The following R3HDM2 variants were observed in gnomAD, a reference collection of about 807,000 sequenced individuals.
The protein encoded by R3HDM2 is R3H domain containing 2, also known as R3H domain-containing protein 2.
A neutral mutation model predicts 124.5 loss-of-function variants in R3HDM2; 38 were observed. That is an observed-to-expected ratio of 0.31 (90% CI 0.24 to 0.40). The LOEUF is 0.40. R3HDM2 is among the 10% of genes least tolerant of loss of function. The pLI, the probability that R3HDM2 is intolerant of heterozygous loss-of-function variation, is 1.00. For synonymous variants in R3HDM2, 391 were observed against 448.0 expected, an observed-to-expected ratio of 0.87 and a Z score of 1.61; for missense variants, 869 against 1,236.9, an observed-to-expected ratio of 0.70 and a Z score of 4.46.
intron 2 of R3HDM2, 75 bp downstream of exon 2, chr12:57,395,674 T>C: frequency 1.7e-6 from 1 of 576,200 alleles, no homozygotes. Context: ...TGTGTGAGGA[T>C]TAAATGAGAA....
At chr12:57,365,890 T>A (rs1262454660) in intron 2 of R3HDM2, among the ~76,000 whole-genome samples, 4 of 150,354 alleles carry the variant, frequency 2.7e-5, no homozygotes, top group African/African-American at 9.8e-5. Context: ...GAGTGGAGAC[T>A]GCAACACTGC....
At chr12:57,403,085 G>A (rs1017441755) in intron 1 of R3HDM2, among the ~76,000 whole-genome samples, 13 of 152,174 alleles carry the variant, frequency 8.5e-5, no homozygotes, top group African/African-American at 3.1e-4. Context: ...GCCAGGCACG[G>A]TGGCTCATAC....
rs999185410 is a variant in R3HDM2, at chr12:57,305,728, G to C, written c.166-2511C>G. 1.0e-5 allele frequency: 4 copies of C among 398,376 alleles called. No homozygotes were observed. The East Asian group carries it at 1.4e-4, about 14-fold the overall frequency. The allele number at this position is 398,376 out of a possible 1,614,324, so 24.7% of individuals were successfully genotyped here. A position where few individuals can be genotyped will look rare whatever the true frequency, so the allele number is the denominator to read the frequency against. On this transcript the variant is annotated intron_variant, in intron 3 of 23. Coordinates refer to ENST00000402412, the MANE Select transcript of R3HDM2 (RefSeq NM_001394031.1). ...TTAAGTGTACTAGAGAGGTACTCATGGAGTGCTACAGGAGCACACAGCAGA... is the reference window on the plus strand; with the variant it reads ...TTAAGTGTACTAGAGAGGTACTCATCGAGTGCTACAGGAGCACACAGCAGA...
chr12:57,276,208 T>TAAAAAAAAAA (rs1263227424), intron 14 of R3HDM2, among the ~76,000 whole-genome samples: 1 of 105,354 alleles, frequency 9.5e-6, no homozygotes, highest in East Asian at 2.6e-4. Context: ...AGACTCCATC[T>TAAAAAAAAAA]AAAAAAAAAA....
chr12:57,413,484 C>G (rs934593098), intron 1 of R3HDM2, among the ~76,000 whole-genome samples: 30 of 151,092 alleles, frequency 2.0e-4, no homozygotes, highest in African/African-American at 7.0e-4. Flanking sequence ...GCCTGTAATC[C>G]CAGCACTTTG....
intron 2 of R3HDM2, among the ~76,000 whole-genome samples, chr12:57,346,453 C>T (rs1351698104): frequency 5.3e-5 from 8 of 151,574 alleles, no homozygotes; most frequent in East Asian, 1.9e-4. Context: ...AGTGAAACTC[C>T]ATCTCAAAAA....
chr12:57,329,231 C>T (rs180853254), intron 2 of R3HDM2, among the ~76,000 whole-genome samples: 3 of 152,162 alleles, frequency 2.0e-5, no homozygotes, highest in South Asian at 2.1e-4. Flanking sequence ...AGGAGAAAGA[C>T]GAGCGTCATT....
chr12:57,313,563 C>CA (rs11306097), intron 2 of R3HDM2, among the ~76,000 whole-genome samples: 2 of 142,762 alleles, frequency 1.4e-5, no homozygotes, highest in East Asian at 2.0e-4. Flanking sequence ...GACCTTGTCT[C>CA]AAAAAAAAAA....
chr12:57,360,006 A>AATAAATAAATATATATATATATATATAT (rs1403496780), intron 2 of R3HDM2, among the ~76,000 whole-genome samples: 1 of 117,682 alleles, frequency 8.5e-6, no homozygotes, highest in African/African-American at 3.0e-5. Context: ...TAAATAAATA[A>AATAAATAAATATATATATATATATATAT]ATATATATAT....
intron 19 of R3HDM2, among the ~76,000 whole-genome samples, chr12:57,264,544 C>T (rs1411202334): frequency 2.0e-5 from 3 of 151,704 alleles, no homozygotes; most frequent in African/African-American, 7.3e-5. Context: ...TGCACTCCAT[C>T]CTGGGTGACA....
At chr12:57,367,014 T>C (rs1465102223) in intron 2 of R3HDM2, among the ~76,000 whole-genome samples, 3 of 152,130 alleles carry the variant, frequency 2.0e-5, no homozygotes, top group East Asian at 1.9e-4. Context: ...CTTAGTGACT[T>C]AGAAATAGTT....
At chr12:57,412,442 G>A (rs1295094573) in intron 1 of R3HDM2, among the ~76,000 whole-genome samples, 1 of 152,124 alleles carries the variant, frequency 6.6e-6, no homozygotes, top group Non-Finnish European at 1.5e-5. Flanking sequence ...TACTTGGGAG[G>A]CTGAGGTGGG....
At chr12:57,311,350 T>C (rs572486279) in intron 2 of R3HDM2, among the ~76,000 whole-genome samples, 6 of 151,652 alleles carry the variant, frequency 4.0e-5, no homozygotes, top group Admixed American at 3.3e-4. Flanking sequence ...CTCAGCCTCC[T>C]GAGTAGCTGG....
chr12:57,254,855 T>C lies in R3HDM2; in HGVS notation c.2891A>G (p.Asn964Ser). Residue 964 changes from asparagine to serine, a missense_variant, in exon 24 of 24, where the codon AAC (asparagine) becomes AGC (serine). Around this residue, in one of 2 missense-constraint regions of R3HDM2, gnomAD observed 602 missense variants for 789.2 expected, o/e 0.76. Transcript: ENST00000402412. ...LAAQNASLRL[N>S]NSVSRFKLRM... Reference sequence around the variant, plus strand: ...AAGTTTGAAGCGACTCACGGAGTTGTTGAGACGAAGGGAGGCATTTTGGGC... The same window carrying C: ...AAGTTTGAAGCGACTCACGGAGTTGCTGAGACGAAGGGAGGCATTTTGGGC... 1 of 1,613,718 alleles carries C rather than the reference T, an allele frequency of 6.2e-7. No individual in the cohort carries two copies. Among genetic ancestry groups the C allele is most frequent in the Non-Finnish European group, 8.5e-7 (1 of 1,179,686 alleles).
intron 2 of R3HDM2, among the ~76,000 whole-genome samples, chr12:57,340,503 C>T (rs2059424561): frequency 6.6e-6 from 1 of 152,130 alleles, no homozygotes; most frequent in African/African-American, 2.4e-5. Flanking sequence ...TTTTCTCCTC[C>T]TACCACACCC....
At chr12:57,305,465 C>T (rs970392250) in intron 3 of R3HDM2, among the ~76,000 whole-genome samples, 4 of 152,010 alleles carry the variant, frequency 2.6e-5, no homozygotes, top group African/African-American at 7.3e-5. Flanking sequence ...ATAAAGTATT[C>T]CTAAATTGCC....
intron 1 of R3HDM2, among the ~76,000 whole-genome samples, chr12:57,423,517 C>A (rs2070407138): frequency 6.6e-6 from 1 of 151,494 alleles, no homozygotes; most frequent in Non-Finnish European, 1.5e-5. Context: ...TCTCTACCAA[C>A]AGCATTAGAA....
At chr12:57,268,543 C>A in intron 17 of R3HDM2, 86 bp from the exon 18 acceptor site, 1 of 1,378,586 alleles carries the variant, frequency 7.3e-7, no homozygotes, top group Non-Finnish European at 1.0e-6. Flanking sequence ...GAGATCAGGG[C>A]ATTACAACTT....
At position 57,254,886 on chromosome 12, in the gene R3HDM2, G is replaced by A. The variant is rs139806342; in HGVS notation, c.2860C>T (p.Leu954=). The A allele has an allele frequency of 8.7e-5, 141 of 1,613,900 alleles. No individual in the cohort carries two copies. In the African/African-American group the frequency reaches 1.6e-3, roughly 18 times the overall value. The change falls in exon 24 of 24, where the codon CTG becomes TTG. Residue 954 remains leucine, a synonymous_variant. Transcript: ENST00000402412. ...CGAAGGGAGGCATTTTGGGCAGCCAGGGGGCTGGGGAACACAGCCACAATG... is the reference window on the plus strand; with the variant it reads ...CGAAGGGAGGCATTTTGGGCAGCCAAGGGGCTGGGGAACACAGCCACAATG... ...YTIVAVFPSP[L]AAQNASLRLN... is the part of the protein sequence containing the mutation.
Sources: allele counts gnomAD v4.1 joint callset (sites outside exome capture counted in the v4.1 genomes callset), GRCh38; gene constraint gnomAD v4.1.1; regional missense constraint gnomAD v4.1.1; transcripts MANE v1.5; gene names NCBI Gene and HGNC (gene_info 2026-07-23, HGNC 2026-07-21).